Variants in VIT observed in about 807,000 individuals in gnomAD.
The protein encoded by VIT is vitrin.
In VIT, 99 loss-of-function variants were observed where a neutral mutation model predicts 78.0. That is an observed-to-expected ratio of 1.27 (90% confidence interval 1.08 to 1.50). The LOEUF (loss-of-function observed/expected upper bound fraction) is 1.50, where lower values mean the gene tolerates loss of function less well. Ranked by LOEUF, VIT falls within the 40% of genes most tolerant of loss-of-function variation. The pLI is 0.00. For synonymous variants in VIT, 374 were observed against 334.3 expected, an observed-to-expected ratio of 1.12 and a Z score of -1.29; for missense variants, 1,126 against 875.3, an observed-to-expected ratio of 1.29 and a Z score of -3.61.
At chr2:36,767,767 G>T (rs1669522754) in intron 7 of VIT, among the ~76,000 whole-genome samples, 1 of 152,158 alleles carries the variant, frequency 6.6e-6, no homozygotes, top group African/African-American at 2.4e-5. Flanking sequence ...TTTTATCAAG[G>T]TCCAGTTTAT....
intron 7 of VIT, 102 bp downstream of exon 7, chr2:36,767,387 G>A (rs1458809396): frequency 1.1e-5 from 13 of 1,218,612 alleles, no homozygotes; most frequent in African/African-American, 1.6e-5. Flanking sequence ...GGTGAATGGG[G>A]AGCACTGGAG....
chr2:36,726,265 G>A (rs1342863014), intron 2 of VIT, among the ~76,000 whole-genome samples: 1 of 152,032 alleles, frequency 6.6e-6, no homozygotes, highest in Admixed American at 6.6e-5. Context: ...TACTTTGAAG[G>A]CAATTAAAAT....
At chr2:36,778,701 G>A (rs990706491) in intron 9 of VIT, among the ~76,000 whole-genome samples, 17 of 152,116 alleles carry the variant, frequency 1.1e-4, no homozygotes, top group Admixed American at 8.5e-4. Context: ...CCAGCATGGC[G>A]ACACCCTGGG....
At chr2:36,743,067 AG>A (rs755142533) in intron 3 of VIT, 32 bp from the exon 4 acceptor site, 38 of 1,612,028 alleles carry the variant, frequency 2.4e-5, no homozygotes, top group African/African-American at 2.7e-5. Context: ...TAATAGCACA[AG>A]GTGTAATTTT....
intron 6 of VIT, 27 bp downstream of exon 6, chr2:36,759,073 A>T (rs1668948824): frequency 6.2e-7 from 1 of 1,614,064 alleles, no homozygotes; most frequent in Non-Finnish European, 8.5e-7. Context: ...GATTGAATCT[A>T]AACCTTCTGA....
intron 12 of VIT, among the ~76,000 whole-genome samples, chr2:36,795,380 T>TAC (rs60284725): frequency 1.2e-5 from 1 of 84,422 alleles, no homozygotes; most frequent in Non-Finnish European, 2.6e-5. Context: ...TTTTATTTTA[T>TAC]TTTATATTTT....
chr2:36,796,111 A>T (rs1250681003), intron 12 of VIT, among the ~76,000 whole-genome samples: 1 of 10,456 alleles, frequency 9.6e-5, no homozygotes, highest in Non-Finnish European at 1.8e-4. Context: ...ATGACTGATT[A>T]AAAAAAAAAA....
chr2:36,738,441 C>G (rs1572447674), intron 3 of VIT, among the ~76,000 whole-genome samples: 1 of 76,134 alleles, frequency 1.3e-5, no homozygotes, highest in Non-Finnish European at 4.3e-5. Context: ...TATTAGGGTC[C>G]TTTGTAAACT....
chr2:36,720,407 A>T (rs796171611), intron 2 of VIT, among the ~76,000 whole-genome samples: 1 of 152,240 alleles, frequency 6.6e-6, no homozygotes, highest in South Asian at 2.1e-4. Context: ...AATCTCTTCA[A>T]TAAGTGTTAT....
intron 8 of VIT, among the ~76,000 whole-genome samples, chr2:36,774,105 G>T (rs1248402135): frequency 6.6e-6 from 1 of 152,180 alleles, no homozygotes; most frequent in Non-Finnish European, 1.5e-5. Context: ...TCAGGATTCA[G>T]TAACCGGGCT....
At chr2:36,808,284 G>A (rs948237711) in intron 14 of VIT, among the ~76,000 whole-genome samples, 188 bp from the exon 15 acceptor site, 1 of 152,220 alleles carries the variant, frequency 6.6e-6, no homozygotes, top group Admixed American at 6.5e-5. Flanking sequence ...TGAGTCCAGC[G>A]ATAACCCGGG....
At chr2:36,746,533 T>C (rs188546968) in intron 4 of VIT, among the ~76,000 whole-genome samples, 1 of 152,200 alleles carries the variant, frequency 6.6e-6, no homozygotes, top group Non-Finnish European at 1.5e-5. Flanking sequence ...CTTGGGAGGT[T>C]GTGTGTTTAC....
chr2:36,743,242 C>T lies in VIT; in HGVS notation c.261C>T (p.Gly87=), dbSNP rs781271163. The T allele has an allele frequency of 3.1e-5, 50 of 1,613,716 alleles. No individual in the cohort carries two copies. Among genetic ancestry groups the T allele is most frequent in the Non-Finnish European group, 3.7e-5 (44 of 1,179,814 alleles). Residue 87 remains glycine, a synonymous_variant, in exon 4 of 16, where the codon GGC becomes GGT. Transcript: ENST00000379242. Reference sequence around the variant, plus strand: ...ATGCATCCTACTCCAGTGTGTGTGGCGCTGCCGTACACAGGTGAGTGGTTC... The same window carrying T: ...ATGCATCCTACTCCAGTGTGTGTGGTGCTGCCGTACACAGGTGAGTGGTTC... ...DVYASYSSVC[G]AAVHSGVLDN...
chr2:36,811,497 T>C (rs755577694), intron 15 of VIT, among the ~76,000 whole-genome samples: 2 of 152,202 alleles, frequency 1.3e-5, no homozygotes, highest in African/African-American at 4.8e-5. Flanking sequence ...GGCAGATTCT[T>C]ACTCAGCTTA....
intron 6 of VIT, among the ~76,000 whole-genome samples, chr2:36,763,264 G>C (rs920718044): frequency 6.6e-6 from 1 of 152,120 alleles, no homozygotes; most frequent in Non-Finnish European, 1.5e-5. Flanking sequence ...CGATGAGCCA[G>C]GTGTGGGGAG....
chr2:36,789,262 G>C (rs903227595), intron 12 of VIT, among the ~76,000 whole-genome samples: 1 of 152,162 alleles, frequency 6.6e-6, no homozygotes, highest in African/African-American at 2.4e-5. Context: ...ACCTCTCCTT[G>C]TAAGTGCTGC....
At chr2:36,712,842 C>A (rs1372604998) in intron 1 of VIT, among the ~76,000 whole-genome samples, 1 of 152,172 alleles carries the variant, frequency 6.6e-6, no homozygotes, top group Non-Finnish European at 1.5e-5. Flanking sequence ...CTCAATCAAT[C>A]AATCAATTAA....
intron 3 of VIT, among the ~76,000 whole-genome samples, chr2:36,731,890 A>G (rs1305909901): frequency 6.6e-6 from 1 of 152,244 alleles, no homozygotes; most frequent in Non-Finnish European, 1.5e-5. Context: ...ATCATTTGAA[A>G]TAAAAGAAAG....
At chr2:36,792,418 T>C (rs74948634) in intron 12 of VIT, among the ~76,000 whole-genome samples, 7,524 of 152,214 alleles carry the variant, frequency 0.049, 462 homozygotes, top group East Asian at 0.18. Context: ...TTTATTTCCC[T>C]ATCATGCAGG....
Sources: allele counts gnomAD v4.1 joint callset (sites outside exome capture counted in the v4.1 genomes callset), GRCh38; gene constraint gnomAD v4.1.1; transcripts MANE v1.5; gene names NCBI Gene and HGNC (gene_info 2026-07-23, HGNC 2026-07-21).